Variants in RSU1 observed in about 807,000 individuals in gnomAD.
RSU1 encodes the protein rsu-1.
In RSU1, 26 loss-of-function variants were observed where a neutral mutation model predicts 31.1. The observed-to-expected ratio is 0.84, with a 90% confidence interval of 0.61 to 1.16. The LOEUF (loss-of-function observed/expected upper bound fraction) is 1.16, where lower values mean the gene tolerates loss of function less well. Among genes scored for constraint, RSU1 ranks in the 50% most tolerant of loss-of-function variants. The pLI is 0.00. For missense variants in RSU1, 320 were observed against 339.1 expected, an observed-to-expected ratio of 0.94 and a Z score of 0.44; for synonymous variants, 164 against 136.3, an observed-to-expected ratio of 1.20 and a Z score of -1.41.
chr10:16,719,997 G>T (rs748205293), intron 7 of RSU1, among the ~76,000 whole-genome samples: 45 of 152,178 alleles, frequency 3.0e-4, no homozygotes, highest in Non-Finnish European at 6.2e-4. Flanking sequence ...GGAAAATGTG[G>T]TGCAAGGATT....
intron 8 of RSU1, among the ~76,000 whole-genome samples, chr10:16,593,771 A>G (rs555521112): frequency 1.1e-3 from 174 of 152,332 alleles, no homozygotes; most frequent in Non-Finnish European, 2.0e-3. Flanking sequence ...GCCGTTCTGG[A>G]CTGAAGTTCA....
intron 8 of RSU1, among the ~76,000 whole-genome samples, chr10:16,691,072 AT>A (rs1228874533): frequency 5.9e-5 from 9 of 151,910 alleles, no homozygotes; most frequent in Non-Finnish European, 1.0e-4. Flanking sequence ...AAGGCAATGA[AT>A]GTGAAATTTG....
At chr10:16,705,854 C>T (rs1020259415) in intron 7 of RSU1, among the ~76,000 whole-genome samples, 1 of 152,110 alleles carries the variant, frequency 6.6e-6, no homozygotes, top group Non-Finnish European at 1.5e-5. Flanking sequence ...GTTGCACAGG[C>T]TGGTGGTGGA....
chr10:16,712,446 G>A (rs1216259209), intron 7 of RSU1, among the ~76,000 whole-genome samples: 1 of 151,902 alleles, frequency 6.6e-6, no homozygotes, highest in East Asian at 1.9e-4. Context: ...GTGGTTTTCT[G>A]TGCTGCGAAG....
rs542029524 is a variant in RSU1, at chr10:16,645,207, T to C, written c.731+49816A>G. Among the ~76,000 whole-genome samples, 10 of 152,306 alleles carry C rather than the reference T, an allele frequency of 6.6e-5. No homozygotes were observed. The East Asian group carries it at 1.9e-3, about 29-fold the overall frequency. On this transcript the variant is annotated intron_variant, in intron 8 of 8. Transcript: ENST00000345264. ...TAAATAAGGATTTGGGCTAGCAAGG[T>C]TGGTGAAGGTCACTTCTACTCTCAT... is the stretch of plus-strand genomic sequence containing the variant.
chr10:16,687,505 A>C (rs1442846353), intron 8 of RSU1, among the ~76,000 whole-genome samples: 2 of 152,190 alleles, frequency 1.3e-5, no homozygotes, highest in Non-Finnish European at 2.9e-5. Flanking sequence ...AGTGTTAACC[A>C]AGTTACAAGG....
In RSU1 at chr10:16,764,507, A is replaced by G. The variant is rs757472514; in HGVS notation, c.164T>C (p.Val55Ala). ...LVLSHNKLTM[V>A]PPNIAELKNL... ...CTTCAGTTCTGCGATGTTCGGTGGC[A>G]CCACTATGGAAACAAAAATGCTGAG... The change falls in exon 4 of 9, where the codon GTG (valine) becomes GCG (alanine). Residue 55 changes from valine to alanine, a missense_variant. By Grantham distance (64) the Val-to-Ala change is moderately conservative. Coordinates refer to ENST00000345264, the MANE Select transcript of RSU1 (RefSeq NM_012425.4). 4.3e-6 allele frequency: 7 copies of G among 1,612,524 alleles called. No individual in the cohort carries two copies. The African/African-American group carries it at 9.4e-5, about 22-fold the overall frequency.
chr10:16,694,178 A>G (rs1254770387), intron 8 of RSU1, among the ~76,000 whole-genome samples: 1 of 152,198 alleles, frequency 6.6e-6, no homozygotes, highest in African/African-American at 2.4e-5. Flanking sequence ...AGTTTTGCAT[A>G]GACTCCTTTC....
chr10:16,766,186 G>T (rs1294425521), intron 3 of RSU1, among the ~76,000 whole-genome samples: 1 of 152,236 alleles, frequency 6.6e-6, no homozygotes, highest in African/African-American at 2.4e-5. Context: ...CAGTGGTCTA[G>T]TGAGCGGCCC....
intron 8 of RSU1, among the ~76,000 whole-genome samples, chr10:16,629,586 G>C (rs760931302): frequency 1.3e-4 from 20 of 152,086 alleles, no homozygotes; most frequent in Non-Finnish European, 2.5e-4. Flanking sequence ...TTCCTTCCTT[G>C]GATGCAACAA....
rs71505091 is a variant in RSU1, at chr10:16,652,392, C to CAAAAAAA, written c.731+42624_731+42630dup. 2.1e-4 allele frequency among the ~76,000 whole-genome samples: 19 copies of CAAAAAAA among 89,106 alleles called. 2 individuals carry two copies. The highest frequency in any genetic ancestry group is 1.0e-3 in the East Asian group (3 of 2,890). The allele number at this position is 89,106 out of a possible 152,430, so 58.5% of individuals were successfully genotyped here. A position where few individuals can be genotyped will look rare whatever the true frequency, so the allele number is the denominator to read the frequency against. On this transcript the variant is annotated intron_variant, in intron 8 of 8. Coordinates refer to ENST00000345264, the MANE Select transcript of RSU1 (RefSeq NM_012425.4). ...AAGAGATGATTCACCTGCCCCAAAG[C>CAAAAAAA]AAAAAAAAAAAAAAAAAAAACCCGA...
At chr10:16,695,273 A>G (rs953387499) in intron 7 of RSU1, 118 bp from the exon 8 acceptor site, 2 of 941,914 alleles carry the variant, frequency 2.1e-6, no homozygotes, top group Non-Finnish European at 3.1e-6. Context: ...TGCCTCTTGG[A>G]TCATTTGATG....
intron 8 of RSU1, among the ~76,000 whole-genome samples, chr10:16,615,210 A>G (rs533748683): frequency 7.3e-5 from 11 of 150,758 alleles, no homozygotes; most frequent in Non-Finnish European, 1.0e-4. Flanking sequence ...AATGGAGAGA[A>G]AAAAAAAAGC....
At chr10:16,782,691 G>C (rs1837679209) in intron 2 of RSU1, among the ~76,000 whole-genome samples, 1 of 152,030 alleles carries the variant, frequency 6.6e-6, no homozygotes, top group African/African-American at 2.4e-5. Context: ...ATTGCTCTCT[G>C]GCTTCAAACA....
chr10:16,779,433 T>A (rs1837605823), intron 3 of RSU1, among the ~76,000 whole-genome samples: 3 of 152,206 alleles, frequency 2.0e-5, no homozygotes, highest in Non-Finnish European at 4.4e-5. Flanking sequence ...GTCAACCACG[T>A]GCCACACTGT....
intron 8 of RSU1, among the ~76,000 whole-genome samples, chr10:16,607,988 AC>A (rs1219867799): frequency 3.9e-5 from 6 of 151,964 alleles, no homozygotes; most frequent in Non-Finnish European, 8.8e-5. Context: ...ATACCACCAC[AC>A]CCGGCTCATT....
chr10:16,666,424 T>C (rs181507444), intron 8 of RSU1, among the ~76,000 whole-genome samples: 3 of 152,300 alleles, frequency 2.0e-5, no homozygotes, highest in East Asian at 1.9e-4. Context: ...AAATAACATG[T>C]TGATCTGAAG....
chr10:16,789,989 T>C (rs149033758), intron 2 of RSU1, among the ~76,000 whole-genome samples: 51 of 152,192 alleles, frequency 3.4e-4, no homozygotes, highest in African/African-American at 1.2e-3. Context: ...TAGGTGAACG[T>C]TGGATCTGGC....
intron 3 of RSU1, among the ~76,000 whole-genome samples, chr10:16,776,350 A>C: frequency 6.6e-6 from 1 of 152,328 alleles, no homozygotes; most frequent in South Asian, 2.1e-4. Flanking sequence ...TAAAATTTAA[A>C]AGTATTAAAT....
Sources: gnomAD v4.1 joint callset for allele counts (sites outside exome capture counted in the v4.1 genomes callset) on GRCh38, gnomAD v4.1.1 for gene constraint, MANE v1.5 for transcripts, NCBI Gene and HGNC (gene_info 2026-07-23, HGNC 2026-07-21) for gene names.